The following MAOA variants were observed in gnomAD, a reference collection of about 807,000 sequenced individuals.
The protein encoded by MAOA is monoamine oxidase A.
In MAOA, 6 loss-of-function variants were observed where a neutral mutation model predicts 42.0. The ratio of observed to expected loss-of-function variants is 0.14; its 90% confidence interval spans 0.08 to 0.28. MAOA has a LOEUF of 0.28. Among genes scored for constraint, MAOA ranks in the 10% least tolerant of loss-of-function variants. The pLI is 1.00. For missense variants in MAOA, 262 were observed against 422.3 expected (o/e 0.62, Z 3.33); for synonymous variants, 140 against 154.0 (o/e 0.91, Z 0.67).
At chrX:43,722,828 T>C (rs1239964655) in intron 5 of MAOA, among the ~76,000 whole-genome samples, 1 of 111,971 alleles carries the variant, frequency 8.9e-6, no homozygotes, top group African/African-American at 3.3e-5. Context: ...AAGTTATACG[T>C]TTAAATCTTT....
At chrX:43,723,896 T>C (rs1254534196) in intron 5 of MAOA, among the ~76,000 whole-genome samples, 1 of 111,932 alleles carries the variant, frequency 8.9e-6, no homozygotes. Flanking sequence ...TGAAGGGCTG[T>C]TGAATTTTGT....
intron 2 of MAOA, 95 bp from the exon 3 acceptor site, chrX:43,693,196 A>T (rs2033550014): frequency 7.8e-6 from 7 of 894,992 alleles, no homozygotes; most frequent in Non-Finnish European, 1.1e-5. Context: ...AGGCACAATT[A>T]ACTTTTAAAA....
intron 5 of MAOA, among the ~76,000 whole-genome samples, chrX:43,724,025 GAAGCT>G (rs1601944967): frequency 9.0e-6 from 1 of 111,292 alleles, no homozygotes; most frequent in Non-Finnish European, 1.9e-5. Flanking sequence ...TCCCAGGAAG[GAAGCT>G]GACTTGATCT....
intron 10 of MAOA, 126 bp downstream of exon 10, chrX:43,736,406 C>T (rs1476849121): frequency 2.3e-6 from 1 of 442,958 alleles, no homozygotes; most frequent in Non-Finnish European, 4.0e-6. Flanking sequence ...TTCCAACAAA[C>T]CAACCTTTTG....
At chrX:43,739,837 G>A (rs1270863236) in intron 10 of MAOA, among the ~76,000 whole-genome samples, 1 of 112,404 alleles carries the variant, frequency 8.9e-6, no homozygotes, top group Non-Finnish European at 1.9e-5. Context: ...GTGAACCTAT[G>A]CAAACAAATC....
At chrX:43,689,712 A>G (rs765764499) in intron 2 of MAOA, among the ~76,000 whole-genome samples, 1 of 111,789 alleles carries the variant, frequency 8.9e-6, no homozygotes, top group East Asian at 2.8e-4. Flanking sequence ...TTTTGCCAGT[A>G]TCTTTGTTCA....
At chrX:43,739,633 G>T (rs1055886780) in intron 10 of MAOA, among the ~76,000 whole-genome samples, 1 of 111,610 alleles carries the variant, frequency 9.0e-6, no homozygotes, top group African/African-American at 3.3e-5. Flanking sequence ...AGCTCCCCCC[G>T]CCCTGCATAA....
chrX:43,731,626 A>T (rs936994225), intron 7 of MAOA, 68 bp from the exon 8 acceptor site: 3 of 1,078,492 alleles, frequency 2.8e-6, no homozygotes, highest in African/African-American at 3.6e-5. Context: ...GATAAAGATG[A>T]TTTTTCACGC....
intron 3 of MAOA, among the ~76,000 whole-genome samples, chrX:43,703,176 G>T (rs1188408720): frequency 9.0e-6 from 1 of 111,526 alleles, no homozygotes; most frequent in Non-Finnish European, 1.9e-5. Context: ...TGCCATCATG[G>T]TTATAAAGCC....
rs778306070 is a variant in MAOA, at chrX:43,740,727, G to A, written c.1153G>A (p.Glu385Lys). ...ELYAKVLGSQ[E>K]ALHPVHYEEK... ...CTATGCCAAAGTGCTGGGATCCCAA[G>A]AAGCTTTACATGTAAGAAACTCCCA... The change falls in exon 11 of 15, where the codon GAA (glutamate) becomes AAA (lysine). Residue 385 changes from glutamate (E) to lysine (K), a missense_variant. Glu to Lys is a moderately conservative substitution (Grantham distance 56). This residue lies in a region of MAOA where 86 missense variants were observed against 190.3 expected (regional missense o/e 0.45). Coordinates refer to ENST00000338702, the MANE Select transcript of MAOA (RefSeq NM_000240.4). 12 of 1,197,745 alleles carry A rather than the reference G, an allele frequency of 1.0e-5. No homozygotes were observed. Among genetic ancestry groups the A allele is most frequent in the Non-Finnish European group, 1.4e-5 (12 of 887,658 alleles).
At chrX:43,706,816 AAAAC>A (rs1035080001) in intron 3 of MAOA, among the ~76,000 whole-genome samples, 4 of 110,793 alleles carry the variant, frequency 3.6e-5, no homozygotes, top group African/African-American at 1.3e-4. Flanking sequence ...CCTGTCAAAA[AAAAC>A]AAATAAAACC....
At chrX:43,675,420 C>T (rs749056570) in intron 1 of MAOA, among the ~76,000 whole-genome samples, 1,128 of 111,294 alleles carry the variant, frequency 0.01, 16 homozygotes, top group African/African-American at 0.035. Context: ...TTTGATCGTC[C>T]GAAGCCTTCT....
intron 5 of MAOA, among the ~76,000 whole-genome samples, chrX:43,716,115 A>G (rs193232115): frequency 8.4e-4 from 93 of 111,077 alleles, no homozygotes; most frequent in African/African-American, 2.7e-3. Context: ...GGAAGAAAAG[A>G]TAGTGAGGCA....
chrX:43,666,138 A>G lies in MAOA; in HGVS notation c.73+9724A>G, dbSNP rs1470672210. Among the ~76,000 whole-genome samples the G allele has an allele frequency of 2.7e-5, 3 of 112,178 alleles. No individual in the cohort carries two copies. In the East Asian group the frequency reaches 8.4e-4, roughly 31 times the overall value. ...TGTTTTCTTAGTATGTGGTTCTTCT[A>G]TTCATTGCAACAAGCATTTGGGCAC... On this transcript the variant is annotated intron_variant, in intron 1 of 14. Transcript: ENST00000338702.
chrX:43,675,149 C>T (rs926204058), intron 1 of MAOA, among the ~76,000 whole-genome samples: 7 of 111,449 alleles, frequency 6.3e-5, no homozygotes, highest in Non-Finnish European at 1.1e-4. Flanking sequence ...TCTTTTTATG[C>T]TTTTTTCTCT....
chrX:43,737,499 G>A (rs757464401), intron 10 of MAOA, among the ~76,000 whole-genome samples: 5 of 111,954 alleles, frequency 4.5e-5, no homozygotes, highest in East Asian at 2.8e-4. Flanking sequence ...AACCTGTTCC[G>A]TAGGTAGCAC....
intron 9 of MAOA, among the ~76,000 whole-genome samples, chrX:43,735,517 A>T (rs1331354617): frequency 8.9e-6 from 1 of 112,163 alleles, no homozygotes; most frequent in African/African-American, 3.2e-5. Flanking sequence ...AGGGAAGCTG[A>T]CTCAGAGCTG....
chrX:43,684,875 T>TTTTTTTTTTTTTTTTTTTTTTTC (rs2033473486), intron 2 of MAOA, among the ~76,000 whole-genome samples: 2 of 21,362 alleles, frequency 9.4e-5, no homozygotes, highest in Non-Finnish European at 2.9e-4. Flanking sequence ...TTTTCTTTTC[T>TTTTTTTTTTTTTTTTTTTTTTTC]TTTTTTTTTT....
chrX:43,672,107 C>G (rs760595141), intron 1 of MAOA, among the ~76,000 whole-genome samples: 1 of 111,624 alleles, frequency 9.0e-6, no homozygotes, highest in African/African-American at 3.3e-5. Context: ...TTTGTATCCT[C>G]TTTTATTTCA....
Sources: allele counts gnomAD v4.1 joint callset (sites outside exome capture counted in the v4.1 genomes callset), GRCh38; gene constraint gnomAD v4.1.1; regional missense constraint gnomAD v4.1.1; transcripts MANE v1.5; gene names NCBI Gene and HGNC (gene_info 2026-07-23, HGNC 2026-07-21).